KCNT2: variants seen among roughly 807,000 people sequenced by gnomAD.
KCNT2 encodes the protein potassium sodium-activated channel subfamily T member 2, also known as potassium channel subfamily T member 2.
In KCNT2, 67 loss-of-function variants were observed where a neutral mutation model predicts 153.8. The observed-to-expected ratio is 0.44, with a 90% CI of 0.36 to 0.53. The LOEUF (loss-of-function observed/expected upper bound fraction) is 0.53, where lower values mean the gene tolerates loss of function less well. KCNT2 is among the 20% of genes least tolerant of loss of function. KCNT2 has a pLI of 0.00. For synonymous variants in KCNT2, 500 were observed against 458.8 expected (o/e 1.09, Z -1.15); for missense variants, 975 against 1,354.8 (o/e 0.72, Z 4.40).
chr1:196,392,866 A>G (rs1051067102), intron 13 of KCNT2, among the ~76,000 whole-genome samples: 3 of 151,470 alleles, frequency 2.0e-5, no homozygotes, highest in African/African-American at 7.3e-5. Flanking sequence ...CTAAAAATAC[A>G]TTTACTTTTG....
At chr1:196,537,614 C>A (rs527945252) in intron 1 of KCNT2, among the ~76,000 whole-genome samples, 2 of 152,326 alleles carry the variant, frequency 1.3e-5, no homozygotes, top group Admixed American at 6.5e-5. Context: ...CTTTACACCC[C>A]TACCTGGTTG....
chr1:196,519,774 T>C (rs1317490463), intron 1 of KCNT2, among the ~76,000 whole-genome samples: 1 of 151,748 alleles, frequency 6.6e-6, no homozygotes, highest in Admixed American at 6.6e-5. Flanking sequence ...AGACCAAAAA[T>C]GAGCTCTGAA....
rs1269148461 is a variant in KCNT2, at chr1:196,342,192, C to T, written c.1440G>A (p.Met480Ile). ...GQQSPEQWQKMYGRCSGNEVY... is the reference protein window; with the variant it reads ...GQQSPEQWQKIYGRCSGNEVY... ...CTTCATTCCCGGAGCATCTACCGTA[C>T]ATCTTCTGCCATTGTTCTGGCGATT... Residue 480 changes from methionine (M) to isoleucine (I), a missense_variant, in exon 15 of 28, where the codon ATG (methionine) becomes ATA (isoleucine). By Grantham distance (10) the Met-to-Ile change is conservative. This residue lies in a region of KCNT2 where 325 missense variants were observed against 388.1 expected (regional missense o/e 0.84). Transcript: ENST00000294725. The T allele has an allele frequency of 6.2e-7, 1 of 1,611,564 alleles. No individual in the cohort carries two copies. Among genetic ancestry groups the T allele is most frequent in the Non-Finnish European group, 8.5e-7 (1 of 1,178,980 alleles).
chr1:196,408,950 A>G (rs1371356760), intron 12 of KCNT2, among the ~76,000 whole-genome samples: 3 of 151,544 alleles, frequency 2.0e-5, no homozygotes, highest in African/African-American at 7.3e-5. Flanking sequence ...GATTGCTAAG[A>G]CAGAAGTGTT....
intron 8 of KCNT2, among the ~76,000 whole-genome samples, chr1:196,456,099 C>A (rs940573883): frequency 2.0e-5 from 3 of 151,980 alleles, no homozygotes; most frequent in African/African-American, 7.2e-5. Flanking sequence ...ATCCCAACTG[C>A]TTCCTTCTTG....
intron 1 of KCNT2, among the ~76,000 whole-genome samples, chr1:196,577,779 C>T (rs1419915864): frequency 2.6e-5 from 4 of 151,990 alleles, no homozygotes; most frequent in African/African-American, 9.7e-5. Context: ...AAAAGCAAGA[C>T]CTAAAAGGAT....
intron 13 of KCNT2, among the ~76,000 whole-genome samples, chr1:196,385,375 A>G (rs2148388051): frequency 6.6e-6 from 1 of 152,302 alleles, no homozygotes; most frequent in Non-Finnish European, 1.5e-5. Flanking sequence ...ACATGTCTAT[A>G]CATAGAAAAA....
chr1:196,313,945 T>C (rs1457492791), intron 21 of KCNT2, among the ~76,000 whole-genome samples: 1 of 151,690 alleles, frequency 6.6e-6, no homozygotes, highest in Admixed American at 6.6e-5. Flanking sequence ...AATTCATTCA[T>C]TCATCCATCC....
intron 22 of KCNT2, among the ~76,000 whole-genome samples, chr1:196,304,988 C>T (rs1050728436): frequency 6.6e-5 from 10 of 152,118 alleles, no homozygotes; most frequent in African/African-American, 2.4e-4. Context: ...TTTCACAAAT[C>T]ATGTGTTTAA....
In KCNT2 at chr1:196,421,414, C is replaced by A. The variant is rs962728204; in HGVS notation, c.1185+1636G>T. On this transcript the variant is annotated intron_variant, in intron 12 of 27. Coordinates refer to ENST00000294725, the MANE Select transcript of KCNT2 (RefSeq NM_198503.5). ...AGTAATTTAAAGCCAAATTACCACT[C>A]GAGGGGGCACAACACTCACAATTAC... Among the ~76,000 whole-genome samples, 3 of 152,046 alleles carry A rather than the reference C, an allele frequency of 2.0e-5. No individual in the cohort carries two copies. The East Asian group carries it at 5.8e-4, about 30-fold the overall frequency.
chr1:196,408,545 G>A (rs775797956), intron 12 of KCNT2, among the ~76,000 whole-genome samples: 3 of 151,482 alleles, frequency 2.0e-5, no homozygotes, highest in Non-Finnish European at 4.4e-5. Context: ...AAGATTTAAA[G>A]ATATAAATTT....
At chr1:196,374,541 C>G (rs1377989156) in intron 13 of KCNT2, among the ~76,000 whole-genome samples, 4 of 151,582 alleles carry the variant, frequency 2.6e-5, no homozygotes, top group Admixed American at 1.3e-4. Context: ...CTCCCCACAC[C>G]CACTTGTCAA....
intron 1 of KCNT2, among the ~76,000 whole-genome samples, chr1:196,524,797 C>T (rs1356325216): frequency 6.6e-6 from 1 of 152,098 alleles, no homozygotes; most frequent in African/African-American, 2.4e-5. Flanking sequence ...TTTCATTTTA[C>T]TTCTATTTCT....
At chr1:196,576,509 A>C (rs1217298538) in intron 1 of KCNT2, among the ~76,000 whole-genome samples, 1 of 152,098 alleles carries the variant, frequency 6.6e-6, no homozygotes, top group Non-Finnish European at 1.5e-5. Context: ...ATTATATAAA[A>C]ATTTTGCACA....
intron 26 of KCNT2, among the ~76,000 whole-genome samples, chr1:196,246,742 C>T (rs952007712): frequency 2.6e-5 from 4 of 151,808 alleles, no homozygotes; most frequent in Non-Finnish European, 5.9e-5. Context: ...TTTTGCCAGC[C>T]TCATGGTATT....
intron 1 of KCNT2, among the ~76,000 whole-genome samples, chr1:196,548,878 C>A (rs1277484053): frequency 6.6e-6 from 1 of 151,940 alleles, no homozygotes; most frequent in Non-Finnish European, 1.5e-5. Flanking sequence ...AATTGGAAAT[C>A]ATCATTTTCA....
intron 12 of KCNT2, among the ~76,000 whole-genome samples, chr1:196,412,343 C>T (rs1016829827): frequency 6.6e-6 from 1 of 151,638 alleles, no homozygotes; most frequent in Non-Finnish European, 1.5e-5. Context: ...TTGTTAATAA[C>T]TGTGTGTTCA....
intron 1 of KCNT2, among the ~76,000 whole-genome samples, chr1:196,521,016 A>G (rs562302862): frequency 2.6e-5 from 4 of 152,344 alleles, no homozygotes; most frequent in African/African-American, 9.6e-5. Flanking sequence ...CAGACATTCT[A>G]CAGAATGGGA....
intron 1 of KCNT2, among the ~76,000 whole-genome samples, chr1:196,596,520 G>A (rs1664103891): frequency 6.6e-6 from 1 of 151,956 alleles, no homozygotes; most frequent in South Asian, 2.1e-4. Context: ...GGCTATTTGT[G>A]CATCTTGTTT....
Sources: allele counts gnomAD v4.1 joint callset (sites outside exome capture counted in the v4.1 genomes callset), GRCh38; gene constraint gnomAD v4.1.1; regional missense constraint gnomAD v4.1.1; transcripts MANE v1.5; gene names NCBI Gene and HGNC (gene_info 2026-07-23, HGNC 2026-07-21).